SLC4A4: variants seen among roughly 807,000 people sequenced by gnomAD.
The protein encoded by SLC4A4 is electrogenic sodium bicarbonate cotransporter 1.
In SLC4A4, 27 loss-of-function variants were observed where a neutral mutation model predicts 111.5. That is an observed-to-expected ratio of 0.24 (90% confidence interval 0.18 to 0.33). The LOEUF (loss-of-function observed/expected upper bound fraction) is 0.33. SLC4A4 is among the 10% of genes least tolerant of loss of function. SLC4A4 has a pLI of 1.00. For synonymous variants in SLC4A4, 443 were observed against 463.4 expected (o/e 0.96, Z 0.57); for missense variants, 909 against 1,315.5 (o/e 0.69, Z 4.78).
At chr4:71,443,630 A>C (rs1038689032) in intron 8 of SLC4A4, among the ~76,000 whole-genome samples, 2 of 152,162 alleles carry the variant, frequency 1.3e-5, no homozygotes, top group African/African-American at 4.8e-5. Flanking sequence ...AGATTGGAAT[A>C]AAATGTTTTA....
intron 2 of SLC4A4, among the ~76,000 whole-genome samples, chr4:71,105,521 A>G (rs1742889500): frequency 1.3e-5 from 2 of 151,390 alleles, no homozygotes; most frequent in South Asian, 2.1e-4. Flanking sequence ...ACTTGAAACT[A>G]TACTACAAGG....
At chr4:71,545,124 C>A (rs1269710382) in intron 18 of SLC4A4, among the ~76,000 whole-genome samples, 1 of 152,066 alleles carries the variant, frequency 6.6e-6, no homozygotes, top group Admixed American at 6.6e-5. Context: ...TAACCTATAT[C>A]TATTCATAAT....
intron 25 of SLC4A4, 99 bp from the exon 26 acceptor site, chr4:71,567,689 A>G (rs553466505): frequency 3.5e-6 from 2 of 579,068 alleles, no homozygotes; most frequent in Admixed American, 3.7e-5. Flanking sequence ...AAAGAGAACA[A>G]AGAAGGACAC....
chr4:71,550,168 A>C (rs1458869608), intron 20 of SLC4A4, among the ~76,000 whole-genome samples: 1 of 152,004 alleles, frequency 6.6e-6, no homozygotes, highest in Admixed American at 6.6e-5. Context: ...TGGGAAATGG[A>C]ATTGTTTTGG....
intron 23 of SLC4A4, 30 bp downstream of exon 23, chr4:71,560,284 G>A (rs1409702421): frequency 5.7e-6 from 9 of 1,577,530 alleles, no homozygotes; most frequent in Non-Finnish European, 7.8e-6. Context: ...CCAAAGGAAA[G>A]CTAGTTAAAG....
At chr4:71,475,471 G>A (rs1027558409) in intron 14 of SLC4A4, among the ~76,000 whole-genome samples, 3 of 151,908 alleles carry the variant, frequency 2.0e-5, no homozygotes, top group Non-Finnish European at 4.4e-5. Context: ...CATAGCAAGT[G>A]CTGACATAAG....
Position 71,311,904 on chromosome 4 carries a change from A to C in SLC4A4, c.254-27466A>C, listed in dbSNP as rs1024866079. On this transcript the variant is annotated intron_variant, in intron 3 of 25. Coordinates refer to ENST00000264485, the MANE Select transcript of SLC4A4 (RefSeq NM_001098484.3). ...GTGCAAGGCTGTGAGAGAGAGAGAG[A>C]GAGAGAGAGAGAGAGAGAGAGAGAG... 3.0e-3 allele frequency among the ~76,000 whole-genome samples: 455 copies of C among 150,040 alleles called. 3 individuals are homozygous for C. The highest frequency in any genetic ancestry group is 9.3e-3 in the African/African-American group (381 of 41,008).
At chr4:71,320,123 A>G (rs1200089081) in intron 3 of SLC4A4, among the ~76,000 whole-genome samples, 2 of 152,042 alleles carry the variant, frequency 1.3e-5, no homozygotes, top group Non-Finnish European at 2.9e-5. Flanking sequence ...CTTATTGGGA[A>G]CAATCCCTTC....
At chr4:71,116,644 GTAT>G (rs1488163988) in intron 2 of SLC4A4, among the ~76,000 whole-genome samples, 1 of 152,170 alleles carries the variant, frequency 6.6e-6, no homozygotes. Context: ...GTTTGAGTGT[GTAT>G]TAAGAATGCC....
intron 1 of SLC4A4, among the ~76,000 whole-genome samples, chr4:71,068,606 C>G (rs116354787): frequency 0.024 from 3,675 of 151,262 alleles, 170 homozygotes; most frequent in African/African-American, 0.085. Flanking sequence ...GTCATCCAGG[C>G]TAGGGTGGCG....
chr4:71,515,901 C>T (rs1732333811), intron 16 of SLC4A4, among the ~76,000 whole-genome samples: 1 of 151,798 alleles, frequency 6.6e-6, no homozygotes, highest in African/African-American at 2.4e-5. Context: ...TTAGATGCTA[C>T]TTTTGTAAGT....
At chr4:71,100,514 G>A (rs1372867992) in intron 2 of SLC4A4, among the ~76,000 whole-genome samples, 1 of 152,128 alleles carries the variant, frequency 6.6e-6, no homozygotes, top group Non-Finnish European at 1.5e-5. Context: ...AAAGCTGGAA[G>A]CACCCCCCTT....
chr4:71,511,801 C>G (rs1248733102), intron 16 of SLC4A4, among the ~76,000 whole-genome samples: 1 of 152,098 alleles, frequency 6.6e-6, no homozygotes, highest in Admixed American at 6.5e-5. Flanking sequence ...TGTTAACTGT[C>G]TTTCCACTCC....
intron 2 of SLC4A4, among the ~76,000 whole-genome samples, chr4:71,179,958 A>G (rs1363413824): frequency 2.6e-5 from 4 of 152,194 alleles, no homozygotes; most frequent in South Asian, 2.1e-4. Flanking sequence ...ACTATACTAC[A>G]AGGCTACAGT....
In SLC4A4 at chr4:71,168,547, G is replaced by A. The variant is rs189470201; in HGVS notation, c.-1-68029G>A. ...AAACTGTTGTGCTAGCAAATATCAG[G>A]TCTTTTAAATTCTTTCTATTTTTTT... On this transcript the variant is annotated intron_variant, in intron 2 of 26. Transcript: ENST00000649996. Among the ~76,000 whole-genome samples, 1,412 of 152,058 alleles carry A rather than the reference G, an allele frequency of 9.3e-3. 11 individuals carry two copies. Among genetic ancestry groups the A allele is most frequent in the Middle Eastern group, 0.031 (9 of 294 alleles).
At chr4:71,550,477 T>C (rs1202790783) in intron 20 of SLC4A4, among the ~76,000 whole-genome samples, 3 of 151,930 alleles carry the variant, frequency 2.0e-5, no homozygotes, top group Admixed American at 2.0e-4. Flanking sequence ...GAGTCAAGAT[T>C]AACAATTAAC....
rs763033135 is a variant in SLC4A4 at position 71,255,417 on chromosome 4, G to A, written c.253+18G>A. ...ACCTCTCAGTGAGTACTCTCTGAGC[G>A]TTGGTGCCTCTCTCTGCCTCACTCC... On this transcript the variant is annotated intron_variant, in intron 3 of 25. Transcript: ENST00000264485. 1.9e-5 allele frequency: 31 copies of A among 1,612,536 alleles called. No individual in the cohort carries two copies. Among genetic ancestry groups the A allele is most frequent in the East Asian group, 1.8e-4 (8 of 44,882 alleles).
chr4:71,534,848 C>CTGTT (rs1299276332), intron 18 of SLC4A4, among the ~76,000 whole-genome samples: 1 of 152,038 alleles, frequency 6.6e-6, no homozygotes, highest in Non-Finnish European at 1.5e-5. Flanking sequence ...TCTTCACATA[C>CTGTT]TTGTGTCAGT....
At chr4:71,177,118 A>C (rs1322334894) in intron 2 of SLC4A4, among the ~76,000 whole-genome samples, 2 of 152,172 alleles carry the variant, frequency 1.3e-5, no homozygotes, top group Non-Finnish European at 2.9e-5. Context: ...CTTTACAGAC[A>C]AGCAGATACT....
Sources: gnomAD v4.1 joint callset for allele counts (sites outside exome capture counted in the v4.1 genomes callset) on GRCh38, gnomAD v4.1.1 for gene constraint, MANE v1.5 for transcripts, NCBI Gene and HGNC (gene_info 2026-07-23, HGNC 2026-07-21) for gene names.